Variants in RAB3C observed in about 807,000 individuals in gnomAD.
RAB3C encodes the protein RAB3C, member RAS oncogene family.
RAB3C carries 17 observed loss-of-function variants against 26.4 expected under a neutral mutation model. The ratio of observed to expected loss-of-function variants is 0.64; its 90% CI spans 0.44 to 0.97. The LOEUF is 0.97. Among genes scored for constraint, RAB3C ranks in the 50% least tolerant of loss-of-function variants. RAB3C has a pLI of 0.00. For missense variants in RAB3C, 242 were observed against 281.9 expected (o/e 0.86, Z 1.01); for synonymous variants, 91 against 95.9 (o/e 0.95, Z 0.30).
At chr5:58,780,083 C>T (rs1181694012) in intron 3 of RAB3C, among the ~76,000 whole-genome samples, 1 of 152,072 alleles carries the variant, frequency 6.6e-6, no homozygotes. Context: ...TGGTCTAAAA[C>T]TGAAAAGCAT....
chr5:58,626,113 A>G (rs1466926530), intron 2 of RAB3C, among the ~76,000 whole-genome samples: 1 of 152,174 alleles, frequency 6.6e-6, no homozygotes, highest in Non-Finnish European at 1.5e-5. Context: ...TCTACTTAGT[A>G]TGTTTTCTTT....
chr5:58,692,990 C>T (rs1443266603), intron 2 of RAB3C, among the ~76,000 whole-genome samples: 1 of 151,630 alleles, frequency 6.6e-6, no homozygotes, highest in Non-Finnish European at 1.5e-5. Context: ...GCCTGTAATC[C>T]CAGCTACTCA....
chr5:58,824,317 A>T (rs1312173130), intron 3 of RAB3C, among the ~76,000 whole-genome samples: 1 of 139,598 alleles, frequency 7.2e-6, no homozygotes, highest in Non-Finnish European at 1.6e-5. Flanking sequence ...TACATTTATT[A>T]TCTAAGTTCC....
chr5:58,616,325 A>C (rs75035995), intron 1 of RAB3C, among the ~76,000 whole-genome samples: 2,177 of 152,282 alleles, frequency 0.014, 47 homozygotes, highest in African/African-American at 0.049. Flanking sequence ...ATTTTGTTTC[A>C]TGTTAATGTA....
At position 58,774,961 on chromosome 5, in the gene RAB3C, G is replaced by A. The variant is rs958150225; in HGVS notation, c.371+48841G>A. ...TAAGGACTTTGGCTTTTGCTCTGGG[G>A]AAAATGGGAAGCTGGTGGGAAGGTT... On this transcript the variant is annotated intron_variant, in intron 3 of 4. Coordinates refer to ENST00000282878, the MANE Select transcript of RAB3C (RefSeq NM_138453.4). 3.4e-4 allele frequency among the ~76,000 whole-genome samples: 52 copies of A among 152,224 alleles called. No individual in the cohort carries two copies. In the East Asian group the frequency reaches 6.4e-3, roughly 19 times the overall value.
intron 2 of RAB3C, among the ~76,000 whole-genome samples, chr5:58,697,402 G>T (rs1748737473): frequency 6.6e-6 from 1 of 152,166 alleles, no homozygotes; most frequent in African/African-American, 2.4e-5. Flanking sequence ...ATATTCTGTT[G>T]ATTTGGGGTG....
At chr5:58,667,602 TA>T (rs1369822346) in intron 2 of RAB3C, among the ~76,000 whole-genome samples, 1 of 152,150 alleles carries the variant, frequency 6.6e-6, no homozygotes, top group African/African-American at 2.4e-5. Flanking sequence ...ACAAAATTCC[TA>T]ACAGATGAAA....
At chr5:58,666,253 A>G (rs914642029) in intron 2 of RAB3C, among the ~76,000 whole-genome samples, 1 of 152,152 alleles carries the variant, frequency 6.6e-6, no homozygotes, top group African/African-American at 2.4e-5. Context: ...ATTGTTTGTA[A>G]TGTTCATGTT....
intron 3 of RAB3C, 30 bp downstream of exon 3, chr5:58,726,150 A>G (rs769658769): frequency 6.3e-6 from 7 of 1,115,890 alleles, no homozygotes; most frequent in Middle Eastern, 2.0e-4. Context: ...CTTATTACTG[A>G]TAATGATGGT....
rs151178595 is a variant in RAB3C, at chr5:58,710,265, A to G, written c.253-15737A>G. On this transcript the variant is annotated intron_variant, in intron 2 of 4. Transcript: ENST00000282878. The stretch of plus-strand genomic sequence containing the variant: ...TGGACCCACTTATAAAGAGAAATGT[A>G]TATCATTATTAATAGTAGTACTATT... 1.1e-3 allele frequency among the ~76,000 whole-genome samples: 171 copies of G among 152,248 alleles called. 1 individual carries two copies. The highest frequency in any genetic ancestry group is 3.8e-3 in the African/African-American group (156 of 41,528).
chr5:58,612,685 C>T (rs979604023), intron 1 of RAB3C, among the ~76,000 whole-genome samples: 2 of 151,496 alleles, frequency 1.3e-5, no homozygotes, highest in African/African-American at 4.9e-5. Context: ...TATCACGAGA[C>T]TTTGCTGAAG....
intron 2 of RAB3C, among the ~76,000 whole-genome samples, chr5:58,684,418 C>G (rs887671432): frequency 6.6e-6 from 1 of 152,148 alleles, no homozygotes; most frequent in Non-Finnish European, 1.5e-5. Flanking sequence ...TTGAGGCAGC[C>G]TAGAGATCCA....
chr5:58,679,066 G>C (rs907080059), intron 2 of RAB3C, among the ~76,000 whole-genome samples: 3 of 152,158 alleles, frequency 2.0e-5, no homozygotes, highest in African/African-American at 7.2e-5. Flanking sequence ...ATGCAAGCCA[G>C]AACAGAGACA....
At chr5:58,784,698 AG>A (rs1177441451) in intron 3 of RAB3C, 2 of 152,248 alleles carry the variant, frequency 1.3e-5, no homozygotes, top group African/African-American at 4.8e-5. Context: ...CTAAAGGGTA[AG>A]TGTAAAGAAA....
intron 3 of RAB3C, among the ~76,000 whole-genome samples, chr5:58,780,704 G>A (rs992220148): frequency 6.6e-6 from 1 of 152,174 alleles, no homozygotes; most frequent in Admixed American, 6.5e-5. Flanking sequence ...CCCTAGACAG[G>A]GTGAGCCTAT....
intron 3 of RAB3C, among the ~76,000 whole-genome samples, chr5:58,738,369 TG>T (rs1238943762): frequency 6.6e-6 from 1 of 152,210 alleles, no homozygotes; most frequent in African/African-American, 2.4e-5. Context: ...CAGACAAAGC[TG>T]GGCTTATATT....
At chr5:58,709,665 A>G (rs1749017963) in intron 2 of RAB3C, among the ~76,000 whole-genome samples, 1 of 152,186 alleles carries the variant, frequency 6.6e-6, no homozygotes, top group African/African-American at 2.4e-5. Context: ...TGTTTTCCAT[A>G]GGTGCATCTC....
chr5:58,669,973 G>A (rs907882823), intron 2 of RAB3C, among the ~76,000 whole-genome samples: 7 of 152,144 alleles, frequency 4.6e-5, no homozygotes, highest in East Asian at 1.9e-4. Context: ...TTGAAGATCT[G>A]GAGAGTAGGC....
At chr5:58,651,246 T>C (rs1476187005) in intron 2 of RAB3C, among the ~76,000 whole-genome samples, 1 of 152,210 alleles carries the variant, frequency 6.6e-6, no homozygotes, top group Non-Finnish European at 1.5e-5. Context: ...CACAGTACCA[T>C]TGACCACTTG....
Sources: gnomAD v4.1 joint callset for allele counts (sites outside exome capture counted in the v4.1 genomes callset) on GRCh38, gnomAD v4.1.1 for gene constraint, MANE v1.5 for transcripts, NCBI Gene and HGNC (gene_info 2026-07-23, HGNC 2026-07-21) for gene names.